Variants in TRAF3 observed in about 807,000 individuals in gnomAD.
TRAF3 encodes TNF receptor associated factor 3.
In TRAF3, 13 loss-of-function variants were observed where a neutral mutation model predicts 62.3. The ratio of observed to expected loss-of-function variants is 0.21; its 90% confidence interval spans 0.14 to 0.33. The LOEUF (loss-of-function observed/expected upper bound fraction) is 0.33. Among genes scored for constraint, TRAF3 ranks in the 10% least tolerant of loss-of-function variants. TRAF3 has a pLI of 1.00. For synonymous variants in TRAF3, 269 were observed against 283.4 expected (o/e 0.95, Z 0.51); for missense variants, 440 against 741.8 (o/e 0.59, Z 4.73).
rs771839511 is a variant in TRAF3, at chr14:102,903,307, G to A, written c.1013G>A (p.Arg338Gln). 10 of 1,614,098 alleles carry A rather than the reference G, an allele frequency of 6.2e-6. No individual in the cohort carries two copies. Among genetic ancestry groups the A allele is most frequent in the Non-Finnish European group, 7.6e-6 (9 of 1,180,042 alleles). Residue 338 changes from arginine to glutamine, a missense_variant, in exon 11 of 12, where the codon CGG becomes CAG. Physicochemically the swap from Arg to Gln is conservative, Grantham distance 43 (BLOSUM62 1). Coordinates refer to ENST00000392745, the MANE Select transcript of TRAF3 (RefSeq NM_145725.3). The surrounding 1 kb of genome is among the most constrained non-coding windows in gnomAD (Gnocchi z 6.4). ...CTGAAGGAGCTTGACAAGGAGATCC[G>A]GCCCTTCCGGCAGAACTGGGAGGAA... ...EKLKELDKEI[R>Q]PFRQNWEEAD...
rs375989139 is a variant in TRAF3 at position 102,846,097 on chromosome 14, C to T, written c.-18+15625C>T. On this transcript the variant is annotated intron_variant, in intron 2 of 11. Coordinates refer to ENST00000392745, the MANE Select transcript of TRAF3 (RefSeq NM_145725.3). ...TTAAGCAACAGAAACTCTCTCATAC[C>T]CTTCTGATGGGAGTGCACATTACAG... Among the ~76,000 whole-genome samples the T allele has an allele frequency of 1.0e-3, 157 of 151,846 alleles. No individual in the cohort carries two copies. In the South Asian group the frequency reaches 0.016, roughly 16 times the overall value.
chr14:102,900,179 GGA>G (rs200554964), intron 10 of TRAF3, among the ~76,000 whole-genome samples: 1 of 83,768 alleles, frequency 1.2e-5, no homozygotes, highest in Admixed American at 1.5e-4. Flanking sequence ...ACTCCGTCTC[GGA>G]AAAAAAAAAA....
intron 1 of TRAF3, among the ~76,000 whole-genome samples, chr14:102,778,199 G>A (rs1419046451): frequency 6.6e-6 from 1 of 151,402 alleles, no homozygotes. Context: ...CGGGGGTCCG[G>A]GTATGGGCAG....
chr14:102,834,571 C>T (rs1355280116), intron 2 of TRAF3, among the ~76,000 whole-genome samples: 3 of 151,236 alleles, frequency 2.0e-5, no homozygotes, highest in African/African-American at 7.3e-5. Context: ...CCTGTAGTCC[C>T]AGCTACTCGG....
At chr14:102,883,374 A>C (rs1889178197) in intron 6 of TRAF3, among the ~76,000 whole-genome samples, 2 of 152,208 alleles carry the variant, frequency 1.3e-5, no homozygotes, top group Admixed American at 1.3e-4. Context: ...AATCAGAATG[A>C]AACAGTGTTT....
intron 2 of TRAF3, among the ~76,000 whole-genome samples, chr14:102,856,958 TA>T (rs1264965327): frequency 1.3e-5 from 2 of 152,230 alleles, no homozygotes; most frequent in Non-Finnish European, 2.9e-5. Flanking sequence ...GTGTTCAGTT[TA>T]AGAAAACATT....
At chr14:102,884,040 A>G (rs1889221584) in intron 6 of TRAF3, among the ~76,000 whole-genome samples, 1 of 152,242 alleles carries the variant, frequency 6.6e-6, no homozygotes, top group Admixed American at 6.5e-5. Context: ...CTTCTGTAAC[A>G]AAGTAACCCA....
chr14:102,800,694 C>T (rs1898344230), intron 1 of TRAF3, among the ~76,000 whole-genome samples: 1 of 147,448 alleles, frequency 6.8e-6, no homozygotes. Flanking sequence ...CTGTTCTTTT[C>T]CTTTTTTTTT....
chr14:102,787,801 A>C (rs1424750216), intron 1 of TRAF3, among the ~76,000 whole-genome samples: 4 of 148,598 alleles, frequency 2.7e-5, no homozygotes, highest in Admixed American at 6.7e-5. Flanking sequence ...TGCTGTGGTC[A>C]CTTGCCTTGC....
chr14:102,856,469 A>AATT (rs1887377543), intron 2 of TRAF3, among the ~76,000 whole-genome samples: 1 of 152,248 alleles, frequency 6.6e-6, no homozygotes, highest in East Asian at 1.9e-4. Context: ...GATGCATTAT[A>AATT]ATTAGAGTAT....
chr14:102,810,181 C>T (rs571411146), intron 1 of TRAF3, among the ~76,000 whole-genome samples: 1 of 152,222 alleles, frequency 6.6e-6, no homozygotes, highest in East Asian at 1.9e-4. Context: ...CAACCCCCTC[C>T]CCCCTACAAC....
At chr14:102,888,894 C>A (rs1184371137) in intron 7 of TRAF3, among the ~76,000 whole-genome samples, 3 of 152,132 alleles carry the variant, frequency 2.0e-5, no homozygotes, top group Non-Finnish European at 2.9e-5. Flanking sequence ...GAGCAAGGGA[C>A]TTTTTTCTTG....
chr14:102,890,880 T>TA lies in TRAF3; in HGVS notation c.727-444dup. Among the ~76,000 whole-genome samples the TA allele has an allele frequency of 3.9e-5, 6 of 152,368 alleles. No individual in the cohort carries two copies. In the Middle Eastern group the frequency reaches 0.014, roughly 346 times the overall value. ...AAATTCTTTTGAATCCTGCTTTGCT[T>TA]ACGTGTTTACTAGACTGTTGTGGCA... On this transcript the variant is annotated intron_variant, in intron 8 of 11. Coordinates refer to ENST00000392745, the MANE Select transcript of TRAF3 (RefSeq NM_145725.3).
rs148893060 is a variant in TRAF3 at position 102,793,448 on chromosome 14, C to T, written c.-157+15773C>T. Among the ~76,000 whole-genome samples the T allele has an allele frequency of 3.0e-3, 452 of 152,302 alleles. 2 individuals are homozygous for T. The highest frequency in any genetic ancestry group is 7.2e-3 in the African/African-American group (300 of 41,562). On this transcript the variant is annotated intron_variant, in intron 1 of 11. Coordinates refer to ENST00000392745, the MANE Select transcript of TRAF3 (RefSeq NM_145725.3). ...GGATTACAGGTGTGAGCCACTGCTC[C>T]CAGCCCCCAGTTGTATTTTGACTGT...
chr14:102,828,217 G>A (rs1196725572), intron 1 of TRAF3, among the ~76,000 whole-genome samples: 1 of 152,184 alleles, frequency 6.6e-6, no homozygotes. Flanking sequence ...TGCTTCCTGT[G>A]CCAGAGAGTC....
chr14:102,802,524 C>T (rs1898506310), intron 1 of TRAF3, among the ~76,000 whole-genome samples: 1 of 148,752 alleles, frequency 6.7e-6, no homozygotes, highest in African/African-American at 2.5e-5. Context: ...TCCAATTTCA[C>T]GCTGCTATGA....
At chr14:102,853,836 C>CA (rs1887197811) in intron 2 of TRAF3, among the ~76,000 whole-genome samples, 1 of 104,386 alleles carries the variant, frequency 9.6e-6, no homozygotes, top group Non-Finnish European at 1.7e-5. Context: ...AAGACTCCGT[C>CA]TAAAAAAAAA....
chr14:102,805,745 G>A (rs1595303815), intron 1 of TRAF3, among the ~76,000 whole-genome samples: 2 of 152,322 alleles, frequency 1.3e-5, no homozygotes, highest in South Asian at 4.1e-4. Flanking sequence ...GCGTGAGGCA[G>A]TCCTTCCGAA....
Position 102,883,675 on chromosome 14 carries a change from T to A in TRAF3, c.571-2514T>A, listed in dbSNP as rs191590202. The stretch of plus-strand genomic sequence containing the variant: ...ATCTTGGCTCACTGTAACCTTCGCC[T>A]CCCAGGTTCAAGCAATTTTCCTGCC... On this transcript the variant is annotated intron_variant, in intron 6 of 11. Transcript: ENST00000392745. 6.6e-5 allele frequency among the ~76,000 whole-genome samples: 10 copies of A among 152,228 alleles called. No homozygotes were observed. In the East Asian group the frequency reaches 1.9e-3, roughly 29 times the overall value.
Sources: allele counts gnomAD v4.1 joint callset (sites outside exome capture counted in the v4.1 genomes callset), GRCh38; gene constraint gnomAD v4.1.1; non-coding constraint Gnocchi (gnomAD v3.1); transcripts MANE v1.5; gene names NCBI Gene and HGNC (gene_info 2026-07-23, HGNC 2026-07-21).